Variants in KIF6 observed in about 807,000 individuals in gnomAD.
The protein encoded by KIF6 is kinesin family member 6, also known as kinesin-like protein KIF6.
KIF6 carries 106 observed loss-of-function variants against 112.7 expected under a neutral mutation model. That is an observed-to-expected ratio of 0.94 (90% CI 0.80 to 1.11). KIF6 has a LOEUF of 1.11. Among genes scored for constraint, KIF6 ranks in the 50% least tolerant of loss-of-function variants. KIF6 has a pLI of 0.00. For missense variants in KIF6, 929 were observed against 964.0 expected (o/e 0.96, Z 0.48); for synonymous variants, 339 against 339.9 (o/e 1.00, Z 0.03).
At chr6:39,694,125 T>TA (rs35365821) in intron 3 of KIF6, among the ~76,000 whole-genome samples, 104,808 of 146,042 alleles carry the variant, frequency 0.72, 39,175 homozygotes, top group East Asian at 0.95. Flanking sequence ...CCCTTCATGG[T>TA]AAAAAAAAAA....
At chr6:39,605,023 C>T (rs1782807182) in intron 6 of KIF6, among the ~76,000 whole-genome samples, 3 of 152,060 alleles carry the variant, frequency 2.0e-5, no homozygotes, top group African/African-American at 7.2e-5. Context: ...AATTGTGGTA[C>T]ATATGGGAAA....
At chr6:39,455,107 C>T (rs1772976735) in intron 13 of KIF6, among the ~76,000 whole-genome samples, 2 of 152,258 alleles carry the variant, frequency 1.3e-5, no homozygotes, top group African/African-American at 4.8e-5. Context: ...CCTCTGCAGA[C>T]TTAAATGTCC....
At chr6:39,474,106 C>T (rs2150444824) in intron 13 of KIF6, among the ~76,000 whole-genome samples, 1 of 152,274 alleles carries the variant, frequency 6.6e-6, no homozygotes, top group Non-Finnish European at 1.5e-5. Flanking sequence ...TAGGTAACAA[C>T]TGGGGAGAGG....
chr6:39,555,288 C>T (rs1395599141), intron 10 of KIF6, among the ~76,000 whole-genome samples: 1 of 152,156 alleles, frequency 6.6e-6, no homozygotes. Context: ...TTCCACCTCC[C>T]AAGGCAGCCC....
intron 3 of KIF6, among the ~76,000 whole-genome samples, chr6:39,685,117 G>T (rs1338205021): frequency 6.6e-6 from 1 of 150,934 alleles, no homozygotes; most frequent in Non-Finnish European, 1.5e-5. Flanking sequence ...AGGGATGAGA[G>T]TAAATGAAGG....
chr6:39,632,588 CAAA>C (rs35217887), intron 5 of KIF6, among the ~76,000 whole-genome samples: 5,585 of 141,216 alleles, frequency 0.04, 297 homozygotes, highest in African/African-American at 0.13. Flanking sequence ...CCAAGTACAG[CAAA>C]AAAAAAAAAA....
Position 39,385,670 on chromosome 6 carries a change from G to C in KIF6, c.1813C>G (p.His605Asp), listed in dbSNP as rs867246075. 6.2e-7 allele frequency: 1 copy of C among 1,611,992 alleles called. No homozygotes were observed. The highest frequency in any genetic ancestry group is 1.7e-4 in the Middle Eastern group (1 of 6,058). Residue 605 changes from histidine (H) to aspartate (D), a missense_variant and splice_region_variant, in exon 16 of 23, where the codon CAC becomes GAC. Physicochemically the swap from His to Asp is moderately conservative, Grantham distance 81. Coordinates refer to ENST00000287152, the MANE Select transcript of KIF6 (RefSeq NM_145027.6). ...SINEARSKIG[H>D]LKEEITQRHI... ...CGCTGGGTGATTTCTTCCTTCAGGT[G>C]ACCTGCCAAAGACACAAAAGAAAAC...
rs184500565 is a variant in KIF6, at chr6:39,543,087, G to T, written c.1426+1468C>A. Among the ~76,000 whole-genome samples the T allele has an allele frequency of 1.5e-3, 226 of 152,268 alleles. 1 individual carries two copies. The highest frequency in any genetic ancestry group is 2.7e-3 in the Admixed American group (42 of 15,290). On this transcript the variant is annotated intron_variant, in intron 12 of 22. Coordinates refer to ENST00000287152, the MANE Select transcript of KIF6 (RefSeq NM_145027.6). ...ACTCTCTTTTAAAAATAAACATATAGGAACAAACTTGGACTGTTCTCTCTC... is the reference window on the plus strand; with the variant it reads ...ACTCTCTTTTAAAAATAAACATATATGAACAAACTTGGACTGTTCTCTCTC...
chr6:39,550,202 G>GT (rs1413689434), intron 10 of KIF6, among the ~76,000 whole-genome samples: 1 of 152,148 alleles, frequency 6.6e-6, no homozygotes, highest in Non-Finnish European at 1.5e-5. Context: ...AATAATCTTT[G>GT]TAAAAAAATA....
At chr6:39,598,093 A>C (rs1190482597) in intron 6 of KIF6, among the ~76,000 whole-genome samples, 1 of 152,170 alleles carries the variant, frequency 6.6e-6, no homozygotes, top group Non-Finnish European at 1.5e-5. Context: ...AGGCTGAGGC[A>C]GGAGAATACC....
chr6:39,565,075 T>G lies in KIF6; in HGVS notation c.1181+12981A>C, dbSNP rs543105285. On this transcript the variant is annotated intron_variant, in intron 10 of 22. Coordinates refer to ENST00000287152, the MANE Select transcript of KIF6 (RefSeq NM_145027.6). The stretch of plus-strand genomic sequence containing the variant: ...AGAGCTGAAAAATAAAAGCAAAGTG[T>G]CTAATTCTAGATTTGGTGGCAGTTC... 4.6e-5 allele frequency among the ~76,000 whole-genome samples: 7 copies of G among 152,312 alleles called. No homozygotes were observed. In the South Asian group the frequency reaches 1.4e-3, roughly 32 times the overall value.
intron 13 of KIF6, among the ~76,000 whole-genome samples, chr6:39,530,260 A>C (rs1483567333): frequency 6.6e-6 from 1 of 152,188 alleles, no homozygotes; most frequent in African/African-American, 2.4e-5. Flanking sequence ...TTAAAATGCC[A>C]ATGGCATCAT....
At chr6:39,677,542 T>TA (rs1787227264) in intron 3 of KIF6, among the ~76,000 whole-genome samples, 1 of 141,556 alleles carries the variant, frequency 7.1e-6, no homozygotes, top group African/African-American at 2.6e-5. Flanking sequence ...TTTATTTATT[T>TA]TTATTTTACT....
At chr6:39,396,735 C>T (rs1016849630) in intron 15 of KIF6, among the ~76,000 whole-genome samples, 1 of 152,092 alleles carries the variant, frequency 6.6e-6, no homozygotes, top group Non-Finnish European at 1.5e-5. Context: ...TACATAAAGC[C>T]CCCAGCACAG....
At chr6:39,487,989 G>GAAT (rs1775221534) in intron 13 of KIF6, among the ~76,000 whole-genome samples, 1 of 21,574 alleles carries the variant, frequency 4.6e-5, no homozygotes, top group African/African-American at 3.1e-4. Context: ...GCATTTATAG[G>GAAT]CATCTATCTA....
intron 15 of KIF6, among the ~76,000 whole-genome samples, chr6:39,394,078 C>A (rs9296295): frequency 0.13 from 19,198 of 151,980 alleles, 1,636 homozygotes; most frequent in African/African-American, 0.23. Context: ...ATGTATGATG[C>A]TGTGACCATG....
At chr6:39,634,800 G>A in intron 5 of KIF6, 49 bp downstream of exon 5, 1 of 1,055,150 alleles carries the variant, frequency 9.5e-7, no homozygotes. Flanking sequence ...CAATTGAAGA[G>A]AACATCTGAA....
intron 10 of KIF6, chr6:39,554,595 G>C (rs1306772286): frequency 6.5e-6 from 1 of 152,874 alleles, no homozygotes; most frequent in African/African-American, 2.4e-5. Flanking sequence ...CACTCCCACT[G>C]GGCCGGCAGC....
intron 3 of KIF6, among the ~76,000 whole-genome samples, chr6:39,667,938 C>T (rs988108419): frequency 2.0e-5 from 3 of 152,104 alleles, no homozygotes; most frequent in African/African-American, 7.2e-5. Context: ...TGGCTTAGTG[C>T]CATCCCCTTG....
Sources: gnomAD v4.1 joint callset for allele counts (sites outside exome capture counted in the v4.1 genomes callset) on GRCh38, gnomAD v4.1.1 for gene constraint, MANE v1.5 for transcripts, NCBI Gene and HGNC (gene_info 2026-07-23, HGNC 2026-07-21) for gene names.